PLCG2: variants seen among roughly 807,000 people sequenced by gnomAD.
PLCG2 encodes phospholipase C gamma 2.
In PLCG2, 69 loss-of-function variants were observed where a neutral mutation model predicts 175.6. The observed-to-expected ratio is 0.39, with a 90% confidence interval of 0.32 to 0.48. The LOEUF (loss-of-function observed/expected upper bound fraction) is 0.48. Among genes scored for constraint, PLCG2 ranks in the 20% least tolerant of loss-of-function variants. The probability of loss-of-function intolerance (pLI) is 0.91; values close to 1 mark genes in which losing one functional copy is unlikely to be tolerated. For missense variants in PLCG2, 1,798 were observed against 1,650.9 expected (o/e 1.09, Z -1.54); for synonymous variants, 827 against 624.0 (o/e 1.33, Z -4.85).
chr16:81,907,925 C>T (rs998018109), intron 16 of PLCG2, 151 bp downstream of exon 16: 1 of 600,930 alleles, frequency 1.7e-6, no homozygotes, highest in Non-Finnish European at 3.0e-6. Context: ...GGTACCATGT[C>T]CTGGCTGGCT....
intron 2 of PLCG2, among the ~76,000 whole-genome samples, chr16:81,764,170 T>G (rs148240398): frequency 6.6e-6 from 1 of 151,948 alleles, no homozygotes; most frequent in Non-Finnish European, 1.5e-5. Context: ...GGTGTGAGCC[T>G]GTATCCCTAG....
At chr16:81,946,328 C>T in intron 31 of PLCG2, 65 bp downstream of exon 31, 1 of 1,145,548 alleles carries the variant, frequency 8.7e-7, no homozygotes. Flanking sequence ...TAGAAACGGC[C>T]CGTGAATACA....
At chr16:81,763,127 G>A (rs1910075051) in intron 2 of PLCG2, among the ~76,000 whole-genome samples, 1 of 152,168 alleles carries the variant, frequency 6.6e-6, no homozygotes, top group South Asian at 2.1e-4. Flanking sequence ...GCTCAGATTT[G>A]ATTTAGAGGA....
chr16:81,809,457 C>G (rs1024750500), intron 2 of PLCG2, among the ~76,000 whole-genome samples: 1 of 152,182 alleles, frequency 6.6e-6, no homozygotes, highest in East Asian at 1.9e-4. Context: ...AGCTTGATGA[C>G]ACAGCCTTTA....
intron 2 of PLCG2, among the ~76,000 whole-genome samples, chr16:81,800,665 CTATTATTATTAT>C (rs59716859): frequency 1.1e-4 from 17 of 151,208 alleles, no homozygotes; most frequent in African/African-American, 4.1e-4. Context: ...GATACTATTG[CTATTATTATTAT>C]TATTATTATT....
At chr16:81,769,647 C>T (rs1042791144) in intron 2 of PLCG2, among the ~76,000 whole-genome samples, 6 of 151,758 alleles carry the variant, frequency 4.0e-5, no homozygotes, top group Non-Finnish European at 4.4e-5. Flanking sequence ...GAAACCCCGT[C>T]TCTACTAAAA....
At chr16:81,916,021 T>G (rs1375495562) in intron 19 of PLCG2, among the ~76,000 whole-genome samples, 1 of 152,172 alleles carries the variant, frequency 6.6e-6, no homozygotes, top group Non-Finnish European at 1.5e-5. Flanking sequence ...CATGTCTGTA[T>G]CTATGGAAAA....
intron 2 of PLCG2, among the ~76,000 whole-genome samples, chr16:81,847,334 G>C (rs1301837370): frequency 6.6e-6 from 1 of 152,164 alleles, no homozygotes; most frequent in Non-Finnish European, 1.5e-5. Flanking sequence ...TGTCATCCTG[G>C]GTTTTTATGA....
chr16:81,757,985 T>A (rs770101584), intron 2 of PLCG2, among the ~76,000 whole-genome samples: 3 of 152,200 alleles, frequency 2.0e-5, no homozygotes, highest in Admixed American at 6.5e-5. Context: ...TTGTTTTGTT[T>A]TGTTTTTTGA....
intron 2 of PLCG2, among the ~76,000 whole-genome samples, chr16:81,828,403 A>G (rs988208040): frequency 2.6e-5 from 4 of 151,430 alleles, no homozygotes; most frequent in African/African-American, 9.7e-5. Flanking sequence ...ACGCCCGGCT[A>G]ATTTTTTTGT....
chr16:81,796,546 A>G (rs1911477107), intron 2 of PLCG2, among the ~76,000 whole-genome samples: 2 of 152,202 alleles, frequency 1.3e-5, no homozygotes, highest in African/African-American at 4.8e-5. Flanking sequence ...GTCCTTACCA[A>G]TTTCATATGT....
chr16:81,758,376 T>C (rs537021080), intron 2 of PLCG2, among the ~76,000 whole-genome samples: 1 of 152,354 alleles, frequency 6.6e-6, no homozygotes, highest in Admixed American at 6.5e-5. Context: ...TATGGATAGA[T>C]CACATCTGGT....
At chr16:81,925,220 A>C (rs749531925) in intron 22 of PLCG2, among the ~76,000 whole-genome samples, 4 of 152,182 alleles carry the variant, frequency 2.6e-5, no homozygotes, top group African/African-American at 7.2e-5. Flanking sequence ...GCTGTGGTCA[A>C]TTCCTCTCTC....
At chr16:81,861,798 T>G (rs886392288) in intron 5 of PLCG2, among the ~76,000 whole-genome samples, 4 of 152,222 alleles carry the variant, frequency 2.6e-5, no homozygotes, top group African/African-American at 9.6e-5. Flanking sequence ...GGCTCTGAAG[T>G]CGGCTCTTCG....
At chr16:81,921,833 G>A (rs1357570975) in intron 21 of PLCG2, among the ~76,000 whole-genome samples, 1 of 152,210 alleles carries the variant, frequency 6.6e-6, no homozygotes. Context: ...AAGGGGCCCT[G>A]CTTGTGGGCT....
intron 1 of PLCG2, among the ~76,000 whole-genome samples, chr16:81,740,031 G>A (rs931210566): frequency 4.0e-5 from 6 of 151,794 alleles, no homozygotes; most frequent in Non-Finnish European, 5.9e-5. Flanking sequence ...ACAGTTACTC[G>A]GGAGGCTGAG....
rs574813021 is a variant in PLCG2 at position 81,866,034 on chromosome 16, G to A, written c.480-3180G>A. 2.2e-5 allele frequency among the ~76,000 whole-genome samples: 3 copies of A among 139,118 alleles called. No individual in the cohort carries two copies. The East Asian group carries it at 6.6e-4, about 30-fold the overall frequency. 91.3% of individuals were successfully genotyped at this position (139,118 alleles called of 152,430 possible). A position where few individuals can be genotyped will look rare whatever the true frequency, so the allele number is the denominator to read the frequency against. On this transcript the variant is annotated intron_variant, in intron 5 of 32. Coordinates refer to ENST00000564138, the MANE Select transcript of PLCG2 (RefSeq NM_002661.5). The stretch of plus-strand genomic sequence containing the variant: ...TTTCTCCCAGGATGGGCTCCACTGG[G>A]GCACCAGCATGAGAGGACGCTGGCC...
intron 2 of PLCG2, among the ~76,000 whole-genome samples, chr16:81,810,777 A>C (rs1904311311): frequency 1.3e-5 from 2 of 152,030 alleles, no homozygotes; most frequent in South Asian, 2.1e-4. Context: ...AGGGCAAAGC[A>C]CTGTATTGAG....
Position 81,910,527 on chromosome 16 carries a change from G to A in PLCG2, c.1741G>A (p.Gly581Ser). 1.2e-6 allele frequency: 2 copies of A among 1,613,932 alleles called. No individual in the cohort carries two copies. The highest frequency in any genetic ancestry group is 1.7e-6 in the Non-Finnish European group (2 of 1,179,978). ...NDYTLSFWRS[G>S]RVQHCRIRST... Reference sequence around the variant, plus strand: ...GGCGTCCTCTCCCCGCAGGCGGTCAGGCCGGGTCCAGCACTGCCGGATCCG... The same window carrying A: ...GGCGTCCTCTCCCCGCAGGCGGTCAAGCCGGGTCCAGCACTGCCGGATCCG... The change falls in exon 18 of 33, where the codon GGC (glycine) becomes AGC (serine). Residue 581 changes from glycine to serine, a missense_variant. Transcript: ENST00000564138.
Sources: gnomAD v4.1 joint callset for allele counts (sites outside exome capture counted in the v4.1 genomes callset) on GRCh38, gnomAD v4.1.1 for gene constraint, MANE v1.5 for transcripts, NCBI Gene and HGNC (gene_info 2026-07-23, HGNC 2026-07-21) for gene names.